REXO5: variants seen among roughly 807,000 people sequenced by gnomAD.
REXO5 encodes the protein RNA exonuclease 5, also known as exonuclease NEF-sp.
A neutral mutation model predicts 88.5 loss-of-function variants in REXO5; 48 were observed. That is an observed-to-expected ratio of 0.54 (90% CI 0.43 to 0.69). REXO5 has a LOEUF of 0.69. REXO5 is among the 30% of genes least tolerant of loss of function. The probability of loss-of-function intolerance (pLI) is 0.00; values close to 1 mark genes in which losing one functional copy is unlikely to be tolerated. For synonymous variants in REXO5, 311 were observed against 336.5 expected, an observed-to-expected ratio of 0.92 and a Z score of 0.83; for missense variants, 749 against 912.2, an observed-to-expected ratio of 0.82 and a Z score of 2.30.
chr16:20,836,317 T>C (rs2081428903), intron 13 of REXO5, among the ~76,000 whole-genome samples: 1 of 150,154 alleles, frequency 6.7e-6, no homozygotes, highest in African/African-American at 2.4e-5. Flanking sequence ...AAACCACTGA[T>C]TTTTTTTTTA....
intron 5 of REXO5, among the ~76,000 whole-genome samples, chr16:20,817,577 A>T (rs2081100091): frequency 1.3e-5 from 2 of 152,152 alleles, no homozygotes; most frequent in Non-Finnish European, 2.9e-5. Flanking sequence ...CCACGGAGAG[A>T]CAACCTACAG....
intron 11 of REXO5, 130 bp downstream of exon 11, chr16:20,828,667 G>A (rs1004491609): frequency 6.3e-6 from 4 of 635,632 alleles, no homozygotes; most frequent in African/African-American, 5.5e-5. Flanking sequence ...AGTGGCTCAT[G>A]CCTGTAATCC....
intron 2 of REXO5, among the ~76,000 whole-genome samples, chr16:20,808,502 G>A (rs1159953400): frequency 6.6e-6 from 1 of 152,004 alleles, no homozygotes; most frequent in East Asian, 1.9e-4. Flanking sequence ...CTAGGTGCTT[G>A]GGGTACATCA....
intron 3 of REXO5, 110 bp downstream of exon 3, chr16:20,813,412 A>G (rs2081032913): frequency 1.6e-6 from 1 of 634,934 alleles, no homozygotes; most frequent in Non-Finnish European, 2.6e-6. Context: ...AAACTGGCTT[A>G]TCGACAGTAT....
chr16:20,848,913 A>G (rs1648954194), intron 19 of REXO5, among the ~76,000 whole-genome samples: 1 of 152,238 alleles, frequency 6.6e-6, no homozygotes, highest in African/African-American at 2.4e-5. Context: ...ACAGATTGCT[A>G]TTATTGATAT....
rs2081276711 is a variant in REXO5, at chr16:20,827,448, G to A, written c.1055+1G>A. ...AGTTCTTAGCCAAAGTTATTTTGGG[G>A]TAGGTTTGCTTATATGCTGTAATAT... On this transcript the variant is annotated splice_donor_variant, in intron 10 of 19. Transcript: ENST00000261377. LOFTEE classifies it high-confidence loss of function. 1 of 1,609,966 alleles carries A rather than the reference G, an allele frequency of 6.2e-7. No individual in the cohort carries two copies. Among genetic ancestry groups the A allele is most frequent in the African/African-American group, 1.3e-5 (1 of 74,836 alleles).
intron 1 of REXO5, 81 bp from the exon 2 acceptor site, chr16:20,806,871 G>A: frequency 6.6e-7 from 1 of 1,507,822 alleles, no homozygotes; most frequent in East Asian, 2.5e-5. Context: ...TCAAGCCCGT[G>A]TAGCTCTCCC....
At chr16:20,840,229 A>G (rs1217596577) in intron 14 of REXO5, 102 bp from the exon 15 acceptor site, 5 of 1,032,882 alleles carry the variant, frequency 4.8e-6, no homozygotes, top group Admixed American at 3.0e-5. Flanking sequence ...GCAAGTATTT[A>G]TATCAAAAAA....
chr16:20,816,291 A>G, intron 5 of REXO5, 79 bp downstream of exon 5: 1 of 1,223,182 alleles, frequency 8.2e-7, no homozygotes, highest in South Asian at 1.3e-5. Context: ...TAGCACAACA[A>G]AACTCAATTC....
chr16:20,817,245 CTGT>C (rs1260343454), intron 5 of REXO5, among the ~76,000 whole-genome samples: 1 of 152,178 alleles, frequency 6.6e-6, no homozygotes, highest in Non-Finnish European at 1.5e-5. Flanking sequence ...TTCTATCTTT[CTGT>C]TGTTCTCTTC....
chr16:20,841,350 AAC>A (rs2081524928), intron 15 of REXO5, among the ~76,000 whole-genome samples: 2 of 152,198 alleles, frequency 1.3e-5, no homozygotes, highest in African/African-American at 2.4e-5. Context: ...GAAAAATGGA[AAC>A]AGTGTAATGT....
chr16:20,807,408 T>C (rs1309857688), intron 2 of REXO5: 2 of 299,374 alleles, frequency 6.7e-6, no homozygotes, highest in African/African-American at 4.4e-5. Flanking sequence ...GAAATCCCCG[T>C]CTCTACCAAA....
At chr16:20,835,329 A>G (rs2081409840) in intron 13 of REXO5, among the ~76,000 whole-genome samples, 1 of 152,062 alleles carries the variant, frequency 6.6e-6, no homozygotes. Flanking sequence ...GTTAGGTGAA[A>G]CCAGAGTAAA....
At chr16:20,810,405 C>T (rs1364184622) in intron 2 of REXO5, among the ~76,000 whole-genome samples, 1 of 151,812 alleles carries the variant, frequency 6.6e-6, no homozygotes, top group Non-Finnish European at 1.5e-5. Context: ...TTCTAGTTTT[C>T]TCCTTTTTTT....
chr16:20,814,813 C>A, intron 3 of REXO5, 114 bp from the exon 4 acceptor site: 1 of 1,038,632 alleles, frequency 9.6e-7, no homozygotes, highest in Non-Finnish European at 1.4e-6. Flanking sequence ...GTGATAAATT[C>A]TATTAACTCT....
intron 10 of REXO5, among the ~76,000 whole-genome samples, chr16:20,827,744 A>G (rs1414869417): frequency 1.3e-5 from 2 of 152,220 alleles, no homozygotes; most frequent in African/African-American, 2.4e-5. Flanking sequence ...ATACTGTCCT[A>G]TTGTATTAAG....
chr16:20,808,674 C>T (rs1209706749), intron 2 of REXO5: 3 of 138,586 alleles, frequency 2.2e-5, no homozygotes, highest in Non-Finnish European at 4.5e-5. Context: ...CTGGATTTGG[C>T]TCACTGCAAC....
At chr16:20,819,446 CCT>C (rs1491172379) in intron 5 of REXO5, among the ~76,000 whole-genome samples, 2 of 124,074 alleles carry the variant, frequency 1.6e-5, no homozygotes, top group East Asian at 4.0e-4. Flanking sequence ...TTTCTTTCCT[CCT>C]TTTTTTTTTT....
At position 20,826,952 on chromosome 16, in the gene REXO5, A is replaced by G. The variant is rs569320313; in HGVS notation, c.822-106A>G. On this transcript the variant is annotated intron_variant, in intron 8 of 19. Transcript: ENST00000261377. ...ATTTGTCACTTTGGACACTAAGCAT[A>G]TATATATTAACAGTAATTTTAAAAA... is the stretch of plus-strand genomic sequence containing the variant. 8 of 1,094,204 alleles carry G rather than the reference A, an allele frequency of 7.3e-6. No individual in the cohort carries two copies. The East Asian group carries it at 1.8e-4, about 25-fold the overall frequency. 67.8% of individuals were successfully genotyped at this position (1,094,204 alleles called of 1,614,324 possible).
Sources: gnomAD v4.1 joint callset for allele counts (sites outside exome capture counted in the v4.1 genomes callset) on GRCh38, gnomAD v4.1.1 for gene constraint, MANE v1.5 for transcripts, NCBI Gene and HGNC (gene_info 2026-07-23, HGNC 2026-07-21) for gene names.